SLC35F2: variants seen among roughly 807,000 people sequenced by gnomAD.
The protein encoded by SLC35F2 is queuine/queuosine transporter SLC35F2.
A neutral mutation model predicts 38.1 loss-of-function variants in SLC35F2; 25 were observed. The ratio of observed to expected loss-of-function variants is 0.66; its 90% CI spans 0.48 to 0.92. The LOEUF is 0.92. SLC35F2 is among the 40% of genes least tolerant of loss of function. The pLI is 0.00. For synonymous variants in SLC35F2, 173 were observed against 181.7 expected, an observed-to-expected ratio of 0.95 and a Z score of 0.38; for missense variants, 409 against 452.9, an observed-to-expected ratio of 0.90 and a Z score of 0.88.
intron 1 of SLC35F2, among the ~76,000 whole-genome samples, chr11:107,850,011 T>C (rs1327882995): frequency 6.6e-6 from 1 of 152,198 alleles, no homozygotes; most frequent in Non-Finnish European, 1.5e-5. Context: ...ACCTACCCTC[T>C]CCAAGCTCCT....
rs10219295 is a variant in SLC35F2, at chr11:107,853,651, C to T, written c.110+5007G>A. Among the ~76,000 whole-genome samples, 754 of 136,582 alleles carry T rather than the reference C, an allele frequency of 5.5e-3. 8 individuals carry two copies. The highest frequency in any genetic ancestry group is 0.019 in the African/African-American group (702 of 37,180). 89.6% of individuals were successfully genotyped at this position (136,582 alleles called of 152,430 possible). The stretch of plus-strand genomic sequence containing the variant: ...AGGAGAATGGCGTGAACCCGGGAGG[C>T]GGAGCTTGCAGTGAGCCGAGATCGC... On this transcript the variant is annotated intron_variant, in intron 1 of 7. Transcript: ENST00000525815.
At chr11:107,824,652 CTTA>C (rs917237709) in intron 1 of SLC35F2, among the ~76,000 whole-genome samples, 1 of 152,180 alleles carries the variant, frequency 6.6e-6, no homozygotes, top group Non-Finnish European at 1.5e-5. Context: ...AGGTAGTTCT[CTTA>C]TGTCTTTTTT....
intron 3 of SLC35F2, chr11:107,811,369 A>G: frequency 2.3e-6 from 1 of 432,882 alleles, no homozygotes; most frequent in Non-Finnish European, 3.1e-6. Flanking sequence ...AGCAGCATAT[A>G]AAACAGAACA....
rs1312494032 is a variant in SLC35F2 at position 107,843,869 on chromosome 11, ATATATAT to A, written c.110+14782_110+14788del. On this transcript the variant is annotated intron_variant, in intron 1 of 7. Transcript: ENST00000525815. Reference sequence around the variant, plus strand: ...CTTAAAAAAAAAAAAAAAAAAAAAAATATATATATATATATATATATATATATATATA... The same window carrying A: ...CTTAAAAAAAAAAAAAAAAAAAAAAAATATATATATATATATATATATATA... Among the ~76,000 whole-genome samples the A allele has an allele frequency of 4.8e-4, 18 of 37,656 alleles. 1 individual carries two copies. Among genetic ancestry groups the A allele is most frequent in the East Asian group, 3.7e-3 (4 of 1,076 alleles). 24.7% of individuals were successfully genotyped at this position (37,656 alleles called of 152,430 possible).
chr11:107,840,288 T>C (rs779671704), intron 1 of SLC35F2, among the ~76,000 whole-genome samples: 4 of 152,112 alleles, frequency 2.6e-5, no homozygotes, highest in Non-Finnish European at 5.9e-5. Flanking sequence ...CAAGTCTGGA[T>C]TGCAAGAGAG....
In SLC35F2 at chr11:107,803,776, A is replaced by AACACACACACACACACAC. The variant is rs71047623; in HGVS notation, c.785-639_785-622dup. On this transcript the variant is annotated intron_variant, in intron 6 of 7. Coordinates refer to ENST00000525815, the MANE Select transcript of SLC35F2 (RefSeq NM_017515.5). ...ACTTCTTTAATCTCATCCCATACTC[A>AACACACACACACACACAC]ACACACACACACACACACACACACT... Among the ~76,000 whole-genome samples, 621 of 149,570 alleles carry AACACACACACACACACAC rather than the reference A, an allele frequency of 4.2e-3. 1 individual carries two copies. Among genetic ancestry groups the AACACACACACACACACAC allele is most frequent in the African/African-American group, 0.012 (474 of 40,352 alleles).
At chr11:107,821,700 T>C (rs189027381) in intron 1 of SLC35F2, 8 of 828,758 alleles carry the variant, frequency 9.7e-6, no homozygotes. Flanking sequence ...GACCTTGGGA[T>C]ATATCCTGTC....
At chr11:107,833,311 A>G (rs1213144768) in intron 1 of SLC35F2, among the ~76,000 whole-genome samples, 1 of 151,940 alleles carries the variant, frequency 6.6e-6, no homozygotes, top group African/African-American at 2.4e-5. Flanking sequence ...CACGAGCTCA[A>G]GAGATCAAGA....
intron 1 of SLC35F2, among the ~76,000 whole-genome samples, chr11:107,830,390 C>T (rs568829763): frequency 2.0e-5 from 3 of 151,880 alleles, no homozygotes; most frequent in Non-Finnish European, 4.4e-5. Context: ...TCGAGAACAT[C>T]CTGGCCAACA....
intron 6 of SLC35F2, among the ~76,000 whole-genome samples, chr11:107,804,281 CTTTA>C (rs1254057914): frequency 6.6e-6 from 1 of 152,014 alleles, no homozygotes; most frequent in Non-Finnish European, 1.5e-5. Flanking sequence ...TTTTCTTTTC[CTTTA>C]TTTATTTATG....
At chr11:107,847,137 A>G (rs1051005172) in intron 1 of SLC35F2, among the ~76,000 whole-genome samples, 4 of 152,090 alleles carry the variant, frequency 2.6e-5, no homozygotes, top group Non-Finnish European at 5.9e-5. Context: ...TGGACTCACA[A>G]TCTCAAGTGA....
At chr11:107,841,356 G>T (rs909941533) in intron 1 of SLC35F2, among the ~76,000 whole-genome samples, 1 of 151,738 alleles carries the variant, frequency 6.6e-6, no homozygotes, top group Admixed American at 6.6e-5. Context: ...TGAGGTCAGG[G>T]GTTCAAGACC....
At chr11:107,843,861 AAAAAAAAATAT>A (rs1346723107) in intron 1 of SLC35F2, among the ~76,000 whole-genome samples, 3 of 38,266 alleles carry the variant, frequency 7.8e-5, no homozygotes, top group African/African-American at 2.5e-4. Flanking sequence ...AAAAAAAAAA[AAAAAAAAATAT>A]ATATATATAT....
chr11:107,833,279 T>A (rs1859878596), intron 1 of SLC35F2, among the ~76,000 whole-genome samples: 1 of 152,038 alleles, frequency 6.6e-6, no homozygotes, highest in African/African-American at 2.4e-5. Context: ...CCCAGCACTT[T>A]GGGAGGCTGA....
chr11:107,854,742 T>C (rs1860250938), intron 1 of SLC35F2, among the ~76,000 whole-genome samples: 1 of 152,186 alleles, frequency 6.6e-6, no homozygotes, highest in East Asian at 1.9e-4. Context: ...ATCCTCCTCA[T>C]AATGAAAACA....
intron 7 of SLC35F2, among the ~76,000 whole-genome samples, chr11:107,796,329 C>G (rs959500952): frequency 6.6e-6 from 1 of 152,164 alleles, no homozygotes; most frequent in South Asian, 2.1e-4. Context: ...CTGCACTCAT[C>G]TGTTTATTGC....
chr11:107,814,783 T>C lies in SLC35F2; in HGVS notation c.286+1007A>G, dbSNP rs550407787. Among the ~76,000 whole-genome samples the C allele has an allele frequency of 6.6e-5, 10 of 152,198 alleles. No individual in the cohort carries two copies. In the East Asian group the frequency reaches 1.9e-3, roughly 29 times the overall value. ...TTCGAGACCAGCCTGGGCAACGTGG[T>C]GAAACCCTGTCTCTACAAAAAATAC... On this transcript the variant is annotated intron_variant, in intron 2 of 7. Transcript: ENST00000525815.
chr11:107,821,027 G>T (rs1209400016), intron 1 of SLC35F2, among the ~76,000 whole-genome samples: 2 of 152,094 alleles, frequency 1.3e-5, no homozygotes, highest in Non-Finnish European at 1.5e-5. Context: ...AAGGAACCTG[G>T]CCTGATCTCT....
chr11:107,815,722 G>A, intron 2 of SLC35F2, 68 bp downstream of exon 2: 2 of 1,515,206 alleles, frequency 1.3e-6, no homozygotes, highest in Non-Finnish European at 1.8e-6. Context: ...ATTTAGAGGT[G>A]TCATACTTTT....
Sources: allele counts gnomAD v4.1 joint callset (sites outside exome capture counted in the v4.1 genomes callset), GRCh38; gene constraint gnomAD v4.1.1; transcripts MANE v1.5; gene names NCBI Gene and HGNC (gene_info 2026-07-23, HGNC 2026-07-21).